The following PCDH9 variants were observed in gnomAD, a reference collection of about 807,000 sequenced individuals.
PCDH9 encodes protocadherin 9, also known as protocadherin-9.
A neutral mutation model predicts 70.6 loss-of-function variants in PCDH9; 24 were observed. The ratio of observed to expected loss-of-function variants is 0.34; its 90% CI spans 0.25 to 0.48. The LOEUF (loss-of-function observed/expected upper bound fraction) is 0.48. PCDH9 is among the 20% of genes least tolerant of loss of function. PCDH9 has a pLI of 0.99. For missense variants in PCDH9, 1,281 were observed against 1,503.6 expected, an observed-to-expected ratio of 0.85 and a Z score of 2.45; for synonymous variants, 562 against 558.5, an observed-to-expected ratio of 1.01 and a Z score of -0.09.
intron 3 of PCDH9, among the ~76,000 whole-genome samples, chr13:66,709,832 T>C (rs1338568256): frequency 6.6e-6 from 1 of 152,160 alleles, no homozygotes; most frequent in African/African-American, 2.4e-5. Flanking sequence ...GAGTATATAC[T>C]TAACAGAGTC....
chr13:66,436,938 A>T (rs1238231046), intron 4 of PCDH9, among the ~76,000 whole-genome samples: 1 of 152,012 alleles, frequency 6.6e-6, no homozygotes, highest in African/African-American at 2.4e-5. Context: ...GTTATAATAA[A>T]ACATTTTTAT....
chr13:66,520,321 A>C (rs17583099), intron 4 of PCDH9, among the ~76,000 whole-genome samples: 17,611 of 152,064 alleles, frequency 0.12, 1,212 homozygotes, highest in Middle Eastern at 0.22. Context: ...TTGTCCCGAA[A>C]CTCCTTAGGT....
intron 3 of PCDH9, among the ~76,000 whole-genome samples, chr13:66,895,560 GTGCACATGTGCAGAAACTTC>G (rs1267976924): frequency 6.6e-6 from 1 of 152,176 alleles, no homozygotes; most frequent in Admixed American, 6.5e-5. Context: ...ATTAGTATCT[GTGCACATGTGCAGAAACTTC>G]TGAAAACTCC....
intron 4 of PCDH9, among the ~76,000 whole-genome samples, chr13:66,619,102 T>G (rs1028298936): frequency 1.3e-5 from 2 of 152,184 alleles, no homozygotes; most frequent in Middle Eastern, 3.2e-3. Context: ...GACAAAGCTA[T>G]GTCCTTGCTT....
chr13:66,917,451 A>G, intron 2 of PCDH9, among the ~76,000 whole-genome samples: 1 of 151,552 alleles, frequency 6.6e-6, no homozygotes, highest in East Asian at 1.9e-4. Context: ...CTAATGAGTT[A>G]TTTGATTATC....
chr13:66,796,032 T>C (rs983975438), intron 3 of PCDH9, among the ~76,000 whole-genome samples: 3 of 152,174 alleles, frequency 2.0e-5, no homozygotes, highest in African/African-American at 4.8e-5. Flanking sequence ...AGTTAACCCA[T>C]GATTTTTCAA....
At chr13:66,532,915 T>C (rs1051752158) in intron 4 of PCDH9, among the ~76,000 whole-genome samples, 1 of 152,132 alleles carries the variant, frequency 6.6e-6, no homozygotes, top group African/African-American at 2.4e-5. Context: ...CTCATAATTT[T>C]CTAAAAAATG....
intron 4 of PCDH9, among the ~76,000 whole-genome samples, chr13:66,337,021 T>A (rs1009510513): frequency 5.3e-5 from 8 of 152,014 alleles, no homozygotes; most frequent in Non-Finnish European, 1.0e-4. Flanking sequence ...TTTTTTTCTT[T>A]CCCTTAGGGA....
At chr13:67,123,057 A>G (rs2086906969) in intron 2 of PCDH9, among the ~76,000 whole-genome samples, 1 of 152,058 alleles carries the variant, frequency 6.6e-6, no homozygotes. Flanking sequence ...TCCTTAATCG[A>G]TATGTTAACA....
chr13:66,651,576 A>G (rs1441745150), intron 3 of PCDH9, among the ~76,000 whole-genome samples: 4 of 152,066 alleles, frequency 2.6e-5, no homozygotes, highest in Non-Finnish European at 4.4e-5. Flanking sequence ...GAATTTTACT[A>G]AACATTTATT....
intron 2 of PCDH9, among the ~76,000 whole-genome samples, chr13:67,004,040 A>G (rs2084298829): frequency 6.6e-6 from 1 of 152,142 alleles, no homozygotes; most frequent in Non-Finnish European, 1.5e-5. Context: ...AACTGAGAAG[A>G]GAAAAATGCC....
intron 3 of PCDH9, among the ~76,000 whole-genome samples, chr13:66,795,758 A>G (rs1424433973): frequency 6.6e-6 from 1 of 152,210 alleles, no homozygotes; most frequent in Non-Finnish European, 1.5e-5. Context: ...AAAGCAGCTC[A>G]TTACAGATGG....
intron 3 of PCDH9, among the ~76,000 whole-genome samples, chr13:66,768,455 G>T (rs1176306760): frequency 6.6e-6 from 1 of 151,836 alleles, no homozygotes; most frequent in African/African-American, 2.4e-5. Context: ...TTCTCTTCAG[G>T]GAAATATACT....
At chr13:66,604,785 AT>A (rs959068355) in intron 4 of PCDH9, among the ~76,000 whole-genome samples, 5 of 140,718 alleles carry the variant, frequency 3.6e-5, no homozygotes, top group Non-Finnish European at 7.4e-5. Flanking sequence ...CATTAGTGAT[AT>A]TTTTTTTCAA....
At chr13:66,334,453 T>C (rs894175156) in intron 4 of PCDH9, among the ~76,000 whole-genome samples, 1 of 151,946 alleles carries the variant, frequency 6.6e-6, no homozygotes, top group African/African-American at 2.4e-5. Flanking sequence ...CAGGTTGAAG[T>C]TTTTTAAGAG....
At position 67,059,758 on chromosome 13, in the gene PCDH9, C is replaced by CA. The variant is rs1282318259; in HGVS notation, c.3037-156154dup. Among the ~76,000 whole-genome samples, 3 of 151,878 alleles carry CA rather than the reference C, an allele frequency of 2.0e-5. No individual in the cohort carries two copies. In the East Asian group the frequency reaches 5.8e-4, roughly 29 times the overall value. On this transcript the variant is annotated intron_variant, in intron 2 of 4. Transcript: ENST00000377865. ...GACACTAATTTTCTAATTAACTTTTCAAAAAATTTTACAGAAATTAACTTT... is the reference window on the plus strand; with the variant it reads ...GACACTAATTTTCTAATTAACTTTTCAAAAAAATTTTACAGAAATTAACTTT...
chr13:66,606,168 G>T (rs995797540), intron 4 of PCDH9, among the ~76,000 whole-genome samples: 1 of 152,046 alleles, frequency 6.6e-6, no homozygotes, highest in African/African-American at 2.4e-5. Context: ...ACAGGCAGAG[G>T]GAACAAATGG....
At chr13:66,894,813 A>T (rs976520823) in intron 3 of PCDH9, among the ~76,000 whole-genome samples, 36 of 146,614 alleles carry the variant, frequency 2.5e-4, no homozygotes, top group African/African-American at 3.5e-4. Context: ...AATATTAAGT[A>T]TTTTTTTTTT....
intron 2 of PCDH9, among the ~76,000 whole-genome samples, chr13:66,934,784 G>T (rs1282840073): frequency 1.9e-5 from 2 of 107,882 alleles, no homozygotes; most frequent in Non-Finnish European, 3.4e-5. Flanking sequence ...GCAGTGGCGC[G>T]ATCTCGGCTC....
Sources: allele counts gnomAD v4.1 joint callset (sites outside exome capture counted in the v4.1 genomes callset), GRCh38; gene constraint gnomAD v4.1.1; transcripts MANE v1.5; gene names NCBI Gene and HGNC (gene_info 2026-07-23, HGNC 2026-07-21).